Variants in GLRA1 observed in about 807,000 individuals in gnomAD.
The protein encoded by GLRA1 is glycine receptor alpha 1, also known as glycine receptor subunit alpha-1.
In GLRA1, 37 loss-of-function variants were observed where a neutral mutation model predicts 48.3. The observed-to-expected ratio is 0.77, with a 90% CI of 0.59 to 1.01. The LOEUF (loss-of-function observed/expected upper bound fraction) is 1.01, where lower values mean the gene tolerates loss of function less well. GLRA1 is among the 50% of genes least tolerant of loss of function. The probability of loss-of-function intolerance (pLI) is 0.00; values close to 1 mark genes in which losing one functional copy is unlikely to be tolerated. For missense variants in GLRA1, 427 were observed against 571.0 expected, an observed-to-expected ratio of 0.75 and a Z score of 2.57; for synonymous variants, 196 against 210.7, an observed-to-expected ratio of 0.93 and a Z score of 0.60.
At chr5:151,902,121 A>G (rs2113437539) in intron 1 of GLRA1, among the ~76,000 whole-genome samples, 1 of 152,332 alleles carries the variant, frequency 6.6e-6, no homozygotes, top group South Asian at 2.1e-4. Context: ...AATGTAATTG[A>G]TAATCGTTTG....
chr5:151,849,143 T>TCTTG (rs1752784459), intron 7 of GLRA1: 1 of 205,740 alleles, frequency 4.9e-6, no homozygotes, highest in African/African-American at 4.6e-5. Flanking sequence ...TTTCTTTCTT[T>TCTTG]CTTTCTTTCT....
At chr5:151,901,294 T>C (rs1390698576) in intron 1 of GLRA1, among the ~76,000 whole-genome samples, 1 of 152,192 alleles carries the variant, frequency 6.6e-6, no homozygotes, top group Non-Finnish European at 1.5e-5. Context: ...AATTTTCCCA[T>C]GCCTCTGACC....
Position 151,844,648 on chromosome 5 carries a change from GA to G in GLRA1, c.912+6741del, listed in dbSNP as rs1164559107. The stretch of plus-strand genomic sequence containing the variant: ...AAAAAAAAAAAAAAAAAAAGAAAAA[GA>G]AAAAAAAAGACACCAAAAGCGTAAG... On this transcript the variant is annotated intron_variant, in intron 7 of 8. Transcript: ENST00000274576. 2.3e-3 allele frequency among the ~76,000 whole-genome samples: 286 copies of G among 125,344 alleles called. 1 individual carries two copies. Among genetic ancestry groups the G allele is most frequent in the Non-Finnish European group, 4.1e-3 (238 of 58,600 alleles). The allele number at this position is 125,344 out of a possible 152,430, so 82.2% of individuals were successfully genotyped here.
intron 6 of GLRA1, among the ~76,000 whole-genome samples, chr5:151,852,505 G>C (rs1341760790): frequency 6.6e-6 from 1 of 152,214 alleles, no homozygotes; most frequent in African/African-American, 2.4e-5. Context: ...CCCTGTCTGT[G>C]TATCCCTGGA....
At position 151,849,416 on chromosome 5, in the gene GLRA1, C is replaced by T. The variant is rs546863428; in HGVS notation, c.912+1974G>A. 3.0e-4 allele frequency among the ~76,000 whole-genome samples: 4 copies of T among 13,122 alleles called. No homozygotes were observed. The East Asian group carries it at 5.2e-3, about 17-fold the overall frequency. The allele number at this position is 13,122 out of a possible 152,430, so 8.6% of individuals were successfully genotyped here. A position where few individuals can be genotyped will look rare whatever the true frequency, so the allele number is the denominator to read the frequency against. On this transcript the variant is annotated intron_variant, in intron 7 of 8. Coordinates refer to ENST00000274576, the MANE Select transcript of GLRA1 (RefSeq NM_000171.4). Reference sequence around the variant, plus strand: ...CTTTCCTTTCCTTTCCTTTCCTTTCCTTTCCTTTCCTTTCCTTTCCTTTCC... The same window carrying T: ...CTTTCCTTTCCTTTCCTTTCCTTTCTTTTCCTTTCCTTTCCTTTCCTTTCC...
At chr5:151,843,853 A>C (rs574662389) in intron 7 of GLRA1, among the ~76,000 whole-genome samples, 1 of 152,254 alleles carries the variant, frequency 6.6e-6, no homozygotes, top group South Asian at 2.1e-4. Context: ...TGGTGCTGGG[A>C]CAACTGGATA....
At chr5:151,892,246 T>C (rs1307661286) in intron 2 of GLRA1, 65 bp downstream of exon 2, 1 of 1,491,010 alleles carries the variant, frequency 6.7e-7, no homozygotes, top group Non-Finnish European at 9.4e-7. Flanking sequence ...TGCATTACCA[T>C]GCTGCTTGCT....
At chr5:151,919,989 G>A (rs1209772515) in intron 1 of GLRA1, among the ~76,000 whole-genome samples, 1 of 152,254 alleles carries the variant, frequency 6.6e-6, no homozygotes, top group South Asian at 2.1e-4. Context: ...AGCTCTGTGG[G>A]TCCTCTGAAG....
At chr5:151,895,325 A>T (rs1437721042) in intron 1 of GLRA1, among the ~76,000 whole-genome samples, 1 of 152,216 alleles carries the variant, frequency 6.6e-6, no homozygotes, top group Non-Finnish European at 1.5e-5. Context: ...GCTTCTGTAG[A>T]TGTATGTCTG....
rs1317780685 is a variant in GLRA1 at position 151,889,968 on chromosome 5, T to C, written c.184+2343A>G. On this transcript the variant is annotated intron_variant, in intron 2 of 8. Transcript: ENST00000274576. ...GTTGGGACGGGCCTAAAAGATGAACTAGTTCTGTAGATATTGGGCCCAAGT... is the reference window on the plus strand; with the variant it reads ...GTTGGGACGGGCCTAAAAGATGAACCAGTTCTGTAGATATTGGGCCCAAGT... Among the ~76,000 whole-genome samples, 13 of 152,188 alleles carry C rather than the reference T, an allele frequency of 8.5e-5. 1 individual carries two copies. The highest frequency in any genetic ancestry group is 8.5e-4 in the Admixed American group (13 of 15,284).
intron 3 of GLRA1, among the ~76,000 whole-genome samples, chr5:151,863,462 G>A (rs539001809): frequency 6.6e-6 from 1 of 152,162 alleles, no homozygotes; most frequent in East Asian, 1.9e-4. Context: ...TTTAAATTTT[G>A]TTACAGAGAC....
intron 7 of GLRA1, among the ~76,000 whole-genome samples, chr5:151,843,677 C>A (rs1384197351): frequency 6.6e-6 from 1 of 152,160 alleles, no homozygotes. Flanking sequence ...AAAAATTACT[C>A]CAAAGCTACA....
At chr5:151,835,441 G>C (rs1323569931) in intron 7 of GLRA1, among the ~76,000 whole-genome samples, 1 of 152,120 alleles carries the variant, frequency 6.6e-6, no homozygotes, top group African/African-American at 2.4e-5. Context: ...GCATCATCCT[G>C]ATACCAAAAC....
chr5:151,916,008 G>T (rs927736720), intron 1 of GLRA1, among the ~76,000 whole-genome samples: 1 of 152,158 alleles, frequency 6.6e-6, no homozygotes, highest in African/African-American at 2.4e-5. Flanking sequence ...GGTAGAGGGG[G>T]AGGGTTATTA....
rs1581672830 is a variant in GLRA1, at chr5:151,924,851, T to C, written c.-302A>G. ...CGTGTCTGTTGGCTCCCTGCGGCGC[T>C]GGGGAGGCACGTTTGGGGGTGGGTA... On this transcript the variant is annotated 5_prime_UTR_variant, in exon 1 of 9. Transcript: ENST00000274576. 4.6e-6 allele frequency: 2 copies of C among 439,426 alleles called. No individual in the cohort carries two copies. The highest frequency in any genetic ancestry group is 8.3e-6 in the Non-Finnish European group (2 of 241,454). The allele number at this position is 439,426 out of a possible 1,614,324, so 27.2% of individuals were successfully genotyped here. A position where few individuals can be genotyped will look rare whatever the true frequency, so the allele number is the denominator to read the frequency against.
chr5:151,904,181 A>G (rs1212525243), intron 1 of GLRA1, among the ~76,000 whole-genome samples: 1 of 152,204 alleles, frequency 6.6e-6, no homozygotes, highest in Non-Finnish European at 1.5e-5. Flanking sequence ...TTACCCTTTC[A>G]GGATAAAGGA....
chr5:151,876,126 C>T (rs1257132398), intron 3 of GLRA1, among the ~76,000 whole-genome samples: 5 of 152,178 alleles, frequency 3.3e-5, no homozygotes, highest in African/African-American at 1.2e-4. Flanking sequence ...TTCAATTTAT[C>T]CTTTGCTTTC....
At chr5:151,888,750 G>A (rs1753983493) in intron 2 of GLRA1, among the ~76,000 whole-genome samples, 1 of 152,186 alleles carries the variant, frequency 6.6e-6, no homozygotes, top group Non-Finnish European at 1.5e-5. Flanking sequence ...CAGGTTTGGG[G>A]ACCACTGCTG....
intron 7 of GLRA1, chr5:151,849,816 A>T: frequency 8.6e-7 from 1 of 1,156,830 alleles, no homozygotes; most frequent in Middle Eastern, 3.3e-4. Flanking sequence ...GGCCTCCCAG[A>T]GTCCTGGGAT....
Sources: gnomAD v4.1 joint callset for allele counts (sites outside exome capture counted in the v4.1 genomes callset) on GRCh38, gnomAD v4.1.1 for gene constraint, MANE v1.5 for transcripts, NCBI Gene and HGNC (gene_info 2026-07-23, HGNC 2026-07-21) for gene names.